Variants in IGFL2 observed in about 807,000 individuals in gnomAD.
IGFL2 encodes insulin growth factor-like family member 2.
IGFL2 carries 7 observed loss-of-function variants against 13.9 expected under a neutral mutation model. That is an observed-to-expected ratio of 0.51 (90% CI 0.29 to 0.95). The LOEUF is 0.95. Ranked by LOEUF, IGFL2 falls within the 40% of genes least tolerant of loss-of-function variation. IGFL2 has a pLI of 0.08. For missense variants in IGFL2, 138 were observed against 147.8 expected, an observed-to-expected ratio of 0.93 and a Z score of 0.34; for synonymous variants, 55 against 55.8, an observed-to-expected ratio of 0.99 and a Z score of 0.07.
the IGFL2 span, among the ~76,000 whole-genome samples, chr19:46,178,011 G>T: frequency 6.6e-6 from 1 of 152,262 alleles, no homozygotes; most frequent in East Asian, 1.9e-4. Flanking sequence ...GGGTGCGGTG[G>T]TTCACGCCTG....
chr19:46,137,227 G>A, the IGFL2 span: 2 of 1,508,080 alleles, frequency 1.3e-6, no homozygotes, highest in South Asian at 1.1e-5. Flanking sequence ...GCCCACGGCA[G>A]GTAATTGTGA....
At chr19:46,140,451 G>A (rs181979126), upstream of IGFL2, among the ~76,000 whole-genome samples, 596 of 152,250 alleles carry the variant, frequency 3.9e-3, 3 homozygotes, top group African/African-American at 0.012. Context: ...GCTAAGGTGG[G>A]AGGATCACTT....
rs147461247 is a variant in IGFL2, at chr19:46,150,921, C to T, written c.19+2624C>T. On this transcript the variant is annotated intron_variant, in intron 1 of 3. Coordinates refer to ENST00000377693, the MANE Select transcript of IGFL2 (RefSeq NM_001135113.2). ...GGCTCAAGCAACCCTCCTCCTTGGC[C>T]TCCCAAAGTGCTGGGATTGCAGGTA... Among the ~76,000 whole-genome samples the T allele has an allele frequency of 1.2e-3, 185 of 152,336 alleles. 1 individual carries two copies. Among genetic ancestry groups the T allele is most frequent in the South Asian group, 8.3e-3 (40 of 4,824 alleles).
At chr19:46,193,264 T>A in the IGFL2 span, among the ~76,000 whole-genome samples, 1 of 152,084 alleles carries the variant, frequency 6.6e-6, no homozygotes, top group Non-Finnish European at 1.5e-5. Flanking sequence ...TCACACTGAT[T>A]GTGAAATGCC....
the IGFL2 span, among the ~76,000 whole-genome samples, chr19:46,130,986 C>T: frequency 1.5e-3 from 233 of 152,192 alleles, 2 homozygotes; most frequent in Middle Eastern, 0.017. Flanking sequence ...TTTTGGCTTC[C>T]GCTTACGTAA....
the IGFL2 span, among the ~76,000 whole-genome samples, chr19:46,102,967 A>G: frequency 1.3e-5 from 2 of 152,170 alleles, no homozygotes; most frequent in Non-Finnish European, 1.5e-5. Context: ...TATTAGAAGG[A>G]ACATTTGTCA....
the IGFL2 span, among the ~76,000 whole-genome samples, chr19:46,181,505 A>T: frequency 4.6e-5 from 7 of 152,214 alleles, no homozygotes; most frequent in Non-Finnish European, 1.0e-4. Flanking sequence ...ACCTCTGTAG[A>T]TCACATCACT....
the IGFL2 span, among the ~76,000 whole-genome samples, chr19:46,118,889 G>C: frequency 6.6e-6 from 1 of 152,176 alleles, no homozygotes; most frequent in African/African-American, 2.4e-5. Context: ...TTTAAGTTCA[G>C]GCTGTGCCCT....
the IGFL2 span, among the ~76,000 whole-genome samples, chr19:46,100,798 G>T: frequency 1.3e-5 from 2 of 152,180 alleles, no homozygotes; most frequent in African/African-American, 4.8e-5. Context: ...AGATGCATTT[G>T]GGGTCCCAAA....
chr19:46,127,427 A>G, the IGFL2 span, among the ~76,000 whole-genome samples: 3 of 152,162 alleles, frequency 2.0e-5, no homozygotes, highest in Non-Finnish European at 4.4e-5. Context: ...TGTTCCATGA[A>G]CTATTGACAA....
the IGFL2 span, among the ~76,000 whole-genome samples, chr19:46,168,896 TTGAG>T: frequency 4.1e-5 from 6 of 147,158 alleles, no homozygotes; most frequent in Admixed American, 6.8e-5. Context: ...GATCAGTAGA[TTGAG>T]TGTGTGTGTG....
chr19:46,135,026 C>T, the IGFL2 span, among the ~76,000 whole-genome samples: 1 of 152,160 alleles, frequency 6.6e-6, no homozygotes, highest in Admixed American at 6.5e-5. Context: ...TTCACTGTCA[C>T]TATCTTGATA....
At chr19:46,137,007 G>T in the IGFL2 span, 1 of 1,574,212 alleles carries the variant, frequency 6.4e-7, no homozygotes, top group African/African-American at 1.4e-5. Flanking sequence ...GCAGAGAAAG[G>T]GACATCTTTC....
the IGFL2 span, among the ~76,000 whole-genome samples, chr19:46,104,453 T>C: frequency 0.013 from 2,018 of 152,252 alleles, 31 homozygotes; most frequent in Middle Eastern, 0.027. Context: ...TAATAAAAGC[T>C]GGTCTGTGAT....
chr19:46,120,234 A>T, the IGFL2 span: 1 of 1,565,772 alleles, frequency 6.4e-7, no homozygotes. Context: ...TCTGAAGTCA[A>T]GTTGCTTCTC....
At chr19:46,080,258 G>T in the IGFL2 span, among the ~76,000 whole-genome samples, 215 of 152,298 alleles carry the variant, frequency 1.4e-3, 1 homozygote, top group South Asian at 3.3e-3. Context: ...TTTAAGCTGC[G>T]AGCCGTGGCT....
the IGFL2 span, among the ~76,000 whole-genome samples, chr19:46,176,782 C>T: frequency 1.3e-5 from 2 of 152,178 alleles, no homozygotes; most frequent in Non-Finnish European, 2.9e-5. Flanking sequence ...CCGGACCACA[C>T]TCCCCCCAGC....
At chr19:46,130,269 C>T in the IGFL2 span, among the ~76,000 whole-genome samples, 2 of 152,224 alleles carry the variant, frequency 1.3e-5, no homozygotes, top group Non-Finnish European at 1.5e-5. Context: ...AGATGGACTG[C>T]ATGCAGTTTC....
At chr19:46,157,951 G>C (rs1370753248) in intron 1 of IGFL2, among the ~76,000 whole-genome samples, 1 of 152,152 alleles carries the variant, frequency 6.6e-6, no homozygotes, top group Non-Finnish European at 1.5e-5. Context: ...CAGAATGCAA[G>C]ATCAACATAG....
Sources: allele counts gnomAD v4.1 joint callset (sites outside exome capture counted in the v4.1 genomes callset), GRCh38; gene constraint gnomAD v4.1.1; transcripts MANE v1.5; gene names NCBI Gene and HGNC (gene_info 2026-07-23, HGNC 2026-07-21).